Variants in ETV1 observed in about 807,000 individuals in gnomAD.
ETV1 encodes ETS translocation variant 1.
In ETV1, 27 loss-of-function variants were observed where a neutral mutation model predicts 62.3. The ratio of observed to expected loss-of-function variants is 0.43; its 90% confidence interval spans 0.32 to 0.60. The LOEUF (loss-of-function observed/expected upper bound fraction) is 0.60, where lower values mean the gene tolerates loss of function less well. Among genes scored for constraint, ETV1 ranks in the 20% least tolerant of loss-of-function variants. ETV1 has a pLI of 0.06. For missense variants in ETV1, 605 were observed against 605.8 expected, an observed-to-expected ratio of 1.00 and a Z score of 0.01; for synonymous variants, 222 against 199.6, an observed-to-expected ratio of 1.11 and a Z score of -0.94.
rs76454908 is a variant in ETV1, at chr7:13,907,014, G to A, written c.941-415C>T. On this transcript the variant is annotated intron_variant, in intron 11 of 13. Coordinates refer to ENST00000430479, the MANE Select transcript of ETV1 (RefSeq NM_004956.5). The stretch of plus-strand genomic sequence containing the variant: ...GAGGGAATAATCAATCTTAAGCTCT[G>A]GGCATTTGATTCATACAAATTAAAT... 6.1e-3 allele frequency among the ~76,000 whole-genome samples: 921 copies of A among 152,022 alleles called. 65 individuals carry two copies. The East Asian group carries it at 0.14, about 24-fold the overall frequency.
At chr7:13,966,035 T>G (rs959680149) in intron 6 of ETV1, among the ~76,000 whole-genome samples, 2 of 152,212 alleles carry the variant, frequency 1.3e-5, no homozygotes, top group Non-Finnish European at 2.9e-5. Context: ...TTAGGATCTA[T>G]GTAAAGTATG....
At chr7:13,897,988 G>A (rs938156071) in intron 13 of ETV1, among the ~76,000 whole-genome samples, 8 of 152,164 alleles carry the variant, frequency 5.3e-5, no homozygotes, top group African/African-American at 1.9e-4. Flanking sequence ...ATTAAAATGT[G>A]TAACATGCAA....
At position 13,894,028 on chromosome 7, in the gene ETV1, G is replaced by T. The variant is rs974018452; in HGVS notation, c.*1838C>A. ...GGTTTCTTGATAACTGCTCCACTTAGAGAAATGAGCTGTGATCTGTGTAGT... is the reference window on the plus strand; with the variant it reads ...GGTTTCTTGATAACTGCTCCACTTATAGAAATGAGCTGTGATCTGTGTAGT... On this transcript the variant is annotated 3_prime_UTR_variant, in exon 14 of 14. Coordinates refer to ENST00000430479, the MANE Select transcript of ETV1 (RefSeq NM_004956.5). The T allele has an allele frequency of 2.1e-5, 5 of 232,824 alleles. No homozygotes were observed. The highest frequency in any genetic ancestry group is 1.1e-4 in the African/African-American group (5 of 45,332). 14.4% of individuals were successfully genotyped at this position (232,824 alleles called of 1,614,324 possible).
intron 8 of ETV1, among the ~76,000 whole-genome samples, chr7:13,935,468 G>C (rs1786694712): frequency 6.6e-6 from 1 of 152,188 alleles, no homozygotes; most frequent in Non-Finnish European, 1.5e-5. Context: ...AATGTCAGTA[G>C]ATAGATTAAT....
rs145652611 is a variant in ETV1, at chr7:13,986,738, A to G, written c.134-53T>C. 1,087 of 1,214,658 alleles carry G rather than the reference A, an allele frequency of 8.9e-4. 6 individuals carry two copies. The African/African-American group carries it at 0.015, about 16-fold the overall frequency. The allele number at this position is 1,214,658 out of a possible 1,614,324, so 75.2% of individuals were successfully genotyped here. A position where few individuals can be genotyped will look rare whatever the true frequency, so the allele number is the denominator to read the frequency against. ...TAAGATTTGCAAATCTTTAATCTTC[A>G]TTAAATGGAAATATTTGTCATGAAA... is the stretch of plus-strand genomic sequence containing the variant. On this transcript the variant is annotated intron_variant, in intron 4 of 13. Coordinates refer to ENST00000430479, the MANE Select transcript of ETV1 (RefSeq NM_004956.5).
At chr7:13,979,295 C>T (rs372752316) in intron 5 of ETV1, among the ~76,000 whole-genome samples, 4 of 152,146 alleles carry the variant, frequency 2.6e-5, no homozygotes, top group East Asian at 3.9e-4. Context: ...CCTCTACCCA[C>T]CAACCCTTGT....
At chr7:13,962,196 C>T (rs567447660) in intron 6 of ETV1, among the ~76,000 whole-genome samples, 6 of 150,278 alleles carry the variant, frequency 4.0e-5, no homozygotes, top group African/African-American at 7.5e-5. Flanking sequence ...CACACACACA[C>T]ACACACGTGT....
chr7:13,899,477 G>A (rs1050481384), intron 13 of ETV1, among the ~76,000 whole-genome samples: 1 of 152,178 alleles, frequency 6.6e-6, no homozygotes, highest in African/African-American at 2.4e-5. Context: ...CAATGTTCTA[G>A]GAAAGTCAAC....
At chr7:13,957,914 C>G (rs147688409) in intron 6 of ETV1, among the ~76,000 whole-genome samples, 4 of 152,112 alleles carry the variant, frequency 2.6e-5, no homozygotes, top group Non-Finnish European at 5.9e-5. Flanking sequence ...TGATCACAAC[C>G]GTGATAGGCC....
chr7:13,942,025 T>TC (rs1562653961), intron 6 of ETV1, among the ~76,000 whole-genome samples: 1 of 69,414 alleles, frequency 1.4e-5, no homozygotes, highest in Non-Finnish European at 3.7e-5. Flanking sequence ...CATTTCTTTT[T>TC]TTTTTTTTTT....
At chr7:13,902,906 A>C (rs1782581560) in intron 12 of ETV1, among the ~76,000 whole-genome samples, 1 of 152,220 alleles carries the variant, frequency 6.6e-6, no homozygotes, top group Admixed American at 6.5e-5. Context: ...TTTAAAAACA[A>C]TAAAATGTAG....
chr7:13,986,278 C>A, intron 5 of ETV1: 1 of 1,511,182 alleles, frequency 6.6e-7, no homozygotes, highest in Non-Finnish European at 8.8e-7. Context: ...AACAGCAAGC[C>A]AGCCGGGTTC....
Position 13,989,290 on chromosome 7 carries a change from G to C in ETV1, c.-110C>G. On this transcript the variant is annotated 5_prime_UTR_variant, in exon 2 of 14. Coordinates refer to ENST00000430479, the MANE Select transcript of ETV1 (RefSeq NM_004956.5). ...CACCTGGATCCAAAGAGAGCCAACA[G>C]AGTTCACAATTTACATATTTTCGGT... is the stretch of plus-strand genomic sequence containing the variant. 2 of 514,562 alleles carry C rather than the reference G, an allele frequency of 3.9e-6. No homozygotes were observed. Among genetic ancestry groups the C allele is most frequent in the Non-Finnish European group, 6.8e-6 (2 of 293,376 alleles). The allele number at this position is 514,562 out of a possible 1,614,324, so 31.9% of individuals were successfully genotyped here. A position where few individuals can be genotyped will look rare whatever the true frequency, so the allele number is the denominator to read the frequency against.
intron 6 of ETV1, among the ~76,000 whole-genome samples, chr7:13,947,549 C>A (rs1225858653): frequency 2.0e-5 from 3 of 152,104 alleles, no homozygotes; most frequent in East Asian, 1.9e-4. Flanking sequence ...AGCTAAGCAC[C>A]ATGTCTGACT....
At chr7:13,986,233 G>C (rs1337444256) in intron 5 of ETV1, 13 of 1,551,904 alleles carry the variant, frequency 8.4e-6, no homozygotes, top group African/African-American at 1.4e-5. Flanking sequence ...TCCTCCACCA[G>C]AACACCAAAT....
At position 13,891,728 on chromosome 7, in the gene ETV1, G is replaced by T. The variant is rs569038197; in HGVS notation, c.*4138C>A. On this transcript the variant is annotated 3_prime_UTR_variant, in exon 14 of 14. Coordinates refer to ENST00000430479, the MANE Select transcript of ETV1 (RefSeq NM_004956.5). Reference sequence around the variant, plus strand: ...AACTTGATTTTTCCAATTCTTAGTAGAATTGCTTAATATGTACATTTGCCT... The same window carrying T: ...AACTTGATTTTTCCAATTCTTAGTATAATTGCTTAATATGTACATTTGCCT... The T allele has an allele frequency of 4.3e-6, 1 of 232,038 alleles. No homozygotes were observed. The highest frequency in any genetic ancestry group is 6.1e-5 in the East Asian group (1 of 16,312). 14.4% of individuals were successfully genotyped at this position (232,038 alleles called of 1,614,324 possible).
At chr7:13,918,530 T>C (rs201934066) in intron 9 of ETV1, among the ~76,000 whole-genome samples, 15 of 151,906 alleles carry the variant, frequency 9.9e-5, no homozygotes, top group South Asian at 6.2e-4. Context: ...CACATATACA[T>C]CATGGAATAC....
At chr7:13,906,687 T>A in intron 11 of ETV1, 88 bp from the exon 12 acceptor site, 1 of 963,156 alleles carries the variant, frequency 1.0e-6, no homozygotes, top group African/African-American at 1.7e-5. Flanking sequence ...CTAATATGGT[T>A]AAACCACAAT....
In ETV1 at chr7:13,893,158, A is replaced by G. The variant is rs1781494207; in HGVS notation, c.*2708T>C. On this transcript the variant is annotated 3_prime_UTR_variant, in exon 14 of 14. Transcript: ENST00000430479. Reference sequence around the variant, plus strand: ...ATTGGGTATTAACATGTCATCATCAAGAGACAGCAAACAGCAGTGAAGATA... The same window carrying G: ...ATTGGGTATTAACATGTCATCATCAGGAGACAGCAAACAGCAGTGAAGATA... 4.3e-6 allele frequency: 1 copy of G among 232,628 alleles called. No individual in the cohort carries two copies. The highest frequency in any genetic ancestry group is 6.1e-5 in the East Asian group (1 of 16,402). The allele number at this position is 232,628 out of a possible 1,614,324, so 14.4% of individuals were successfully genotyped here. A position where few individuals can be genotyped will look rare whatever the true frequency, so the allele number is the denominator to read the frequency against.
Sources: allele counts gnomAD v4.1 joint callset (sites outside exome capture counted in the v4.1 genomes callset), GRCh38; gene constraint gnomAD v4.1.1; transcripts MANE v1.5; gene names NCBI Gene and HGNC (gene_info 2026-07-23, HGNC 2026-07-21).